Variants in TRAPPC9 observed in about 807,000 individuals in gnomAD.
TRAPPC9 encodes the protein IKK2 binding protein.
Under a neutral mutation model 124.0 loss-of-function variants are expected in TRAPPC9, and 83 were observed. That is an observed-to-expected ratio of 0.67 (90% CI 0.56 to 0.80). The LOEUF is 0.80. Among genes scored for constraint, TRAPPC9 ranks in the 30% least tolerant of loss-of-function variants. The pLI, the probability that TRAPPC9 is intolerant of heterozygous loss-of-function variation, is 0.00. For missense variants in TRAPPC9, 1,302 were observed against 1,508.3 expected (o/e 0.86, Z 2.27); for synonymous variants, 638 against 617.5 (o/e 1.03, Z -0.49).
chr8:140,069,659 C>A (rs1352155968), intron 17 of TRAPPC9, among the ~76,000 whole-genome samples: 1 of 152,114 alleles, frequency 6.6e-6, no homozygotes, highest in South Asian at 2.1e-4. Context: ...GTGTATCAGG[C>A]AGGGTTCTCT....
At chr8:140,416,700 C>G (rs1564009570) in intron 5 of TRAPPC9, among the ~76,000 whole-genome samples, 1 of 152,094 alleles carries the variant, frequency 6.6e-6, no homozygotes, top group South Asian at 2.1e-4. Flanking sequence ...ACTTTCTTCA[C>G]AAAATTTTAA....
chr8:140,286,635 C>T (rs1439814000), intron 13 of TRAPPC9, among the ~76,000 whole-genome samples: 1 of 152,046 alleles, frequency 6.6e-6, no homozygotes, highest in Non-Finnish European at 1.5e-5. Context: ...GGGCAAATGG[C>T]TGATGGGAAT....
At chr8:140,223,931 G>A (rs776887596) in intron 16 of TRAPPC9, among the ~76,000 whole-genome samples, 5 of 152,174 alleles carry the variant, frequency 3.3e-5, no homozygotes, top group Non-Finnish European at 7.3e-5. Context: ...TACTTGAAAA[G>A]TCCATGGCAC....
chr8:139,744,469 G>A (rs555966922), intron 21 of TRAPPC9, among the ~76,000 whole-genome samples: 2 of 152,154 alleles, frequency 1.3e-5, no homozygotes, highest in Non-Finnish European at 2.9e-5. Context: ...TGACAGAGAC[G>A]GAAGAAGGAC....
In TRAPPC9 at chr8:140,147,139, A is replaced by G. The variant is rs1253631674; in HGVS notation, c.2556+74320T>C. The stretch of plus-strand genomic sequence containing the variant: ...CTCTACCCTACAACATTGAACAGCC[A>G]AATACCCACTTTGTTGTTCCTGCCT... On this transcript the variant is annotated intron_variant, in intron 17 of 22. Transcript: ENST00000438773. 2.0e-5 allele frequency among the ~76,000 whole-genome samples: 3 copies of G among 152,210 alleles called. 1 individual carries two copies. The highest frequency in any genetic ancestry group is 2.0e-4 in the Admixed American group (3 of 15,276).
At chr8:139,814,869 A>G (rs550742500) in intron 21 of TRAPPC9, among the ~76,000 whole-genome samples, 55 of 152,346 alleles carry the variant, frequency 3.6e-4, no homozygotes, top group African/African-American at 1.3e-3. Flanking sequence ...AAATCACCCA[A>G]CGTGCTTGCA....
chr8:140,160,440 T>G (rs1402191543), intron 17 of TRAPPC9, among the ~76,000 whole-genome samples: 1 of 152,148 alleles, frequency 6.6e-6, no homozygotes, highest in Non-Finnish European at 1.5e-5. Context: ...ACGTGGCACA[T>G]ATACACCATG....
chr8:139,956,158 GT>G lies in TRAPPC9; in HGVS notation c.2810+32567del, dbSNP rs201084542. 2.0e-3 allele frequency among the ~76,000 whole-genome samples: 301 copies of G among 147,608 alleles called. 2 individuals are homozygous for G. The East Asian group carries it at 0.023, about 11-fold the overall frequency. ...TTCACCCTACATGGGATGTTGTTTC[GT>G]TTTTTTTTTTCTTTTATTTTGAGAT... On this transcript the variant is annotated intron_variant, in intron 19 of 22. Coordinates refer to ENST00000438773, the MANE Select transcript of TRAPPC9 (RefSeq NM_001160372.4).
chr8:139,801,823 T>C (rs554709877), intron 21 of TRAPPC9, among the ~76,000 whole-genome samples: 1 of 152,328 alleles, frequency 6.6e-6, no homozygotes, highest in East Asian at 1.9e-4. Flanking sequence ...ATAAATGGGA[T>C]TTGCGGAGCA....
At chr8:139,816,744 TGCCAAGC>T (rs1824865105) in intron 21 of TRAPPC9, among the ~76,000 whole-genome samples, 1 of 152,120 alleles carries the variant, frequency 6.6e-6, no homozygotes, top group Non-Finnish European at 1.5e-5. Flanking sequence ...ACCTCTGCAA[TGCCAAGC>T]GACCCTTCCT....
intron 1 of TRAPPC9, among the ~76,000 whole-genome samples, chr8:140,454,316 A>C (rs1291840695): frequency 6.6e-6 from 1 of 151,676 alleles, no homozygotes; most frequent in Non-Finnish European, 1.5e-5. Flanking sequence ...AAAATGATTT[A>C]AAAATAAAAA....
chr8:139,896,286 C>T (rs1830663496), intron 20 of TRAPPC9, among the ~76,000 whole-genome samples: 1 of 152,128 alleles, frequency 6.6e-6, no homozygotes, highest in Non-Finnish European at 1.5e-5. Context: ...CTCTTAAATA[C>T]GTGGACCCTG....
chr8:140,166,139 C>T (rs891127525), intron 17 of TRAPPC9, among the ~76,000 whole-genome samples: 1 of 152,128 alleles, frequency 6.6e-6, no homozygotes, highest in African/African-American at 2.4e-5. Flanking sequence ...ATCATGATGC[C>T]CAAAAGGCAT....
intron 19 of TRAPPC9, among the ~76,000 whole-genome samples, chr8:139,968,921 A>C (rs1054636374): frequency 6.6e-6 from 1 of 152,172 alleles, no homozygotes; most frequent in African/African-American, 2.4e-5. Context: ...GCCCGTCCAC[A>C]ATTTGTCACA....
intron 21 of TRAPPC9, among the ~76,000 whole-genome samples, chr8:139,820,165 A>G (rs1825159654): frequency 6.6e-6 from 1 of 152,054 alleles, no homozygotes; most frequent in African/African-American, 2.4e-5. Flanking sequence ...AGAGAGAAAA[A>G]AAATTATCTT....
chr8:139,985,922 T>C (rs1176898469), intron 19 of TRAPPC9, among the ~76,000 whole-genome samples: 1 of 152,208 alleles, frequency 6.6e-6, no homozygotes, highest in Non-Finnish European at 1.5e-5. Context: ...AAAGGACATA[T>C]ATGATATGGA....
chr8:139,754,318 G>T (rs932083880), intron 21 of TRAPPC9, among the ~76,000 whole-genome samples: 1 of 152,204 alleles, frequency 6.6e-6, no homozygotes, highest in Non-Finnish European at 1.5e-5. Context: ...ACATCACCAA[G>T]AACTAGTCAG....
At chr8:139,860,642 C>T (rs1828070990) in intron 21 of TRAPPC9, among the ~76,000 whole-genome samples, 1 of 152,246 alleles carries the variant, frequency 6.6e-6, no homozygotes, top group Admixed American at 6.5e-5. Context: ...CACTTCCCCC[C>T]AGCTCATCCC....
At chr8:140,115,937 G>A (rs1429807896) in intron 17 of TRAPPC9, among the ~76,000 whole-genome samples, 1 of 152,190 alleles carries the variant, frequency 6.6e-6, no homozygotes. Flanking sequence ...CGCACAACAG[G>A]TGCGGATTAT....
Sources: allele counts gnomAD v4.1 joint callset (sites outside exome capture counted in the v4.1 genomes callset), GRCh38; gene constraint gnomAD v4.1.1; transcripts MANE v1.5; gene names NCBI Gene and HGNC (gene_info 2026-07-23, HGNC 2026-07-21).